Variants in COL1A2 observed in about 807,000 individuals in gnomAD.
COL1A2 encodes collagen type I alpha 2 chain.
In COL1A2, 49 loss-of-function variants were observed where a neutral mutation model predicts 174.3. That is an observed-to-expected ratio of 0.28 (90% CI 0.22 to 0.36). The LOEUF is 0.36. Among genes scored for constraint, COL1A2 ranks in the 10% least tolerant of loss-of-function variants. The pLI, the probability that COL1A2 is intolerant of heterozygous loss-of-function variation, is 1.00. For missense variants in COL1A2, 1,438 were observed against 1,822.7 expected (o/e 0.79, Z 3.84); for synonymous variants, 655 against 606.6 (o/e 1.08, Z -1.17).
At position 94,425,993 on chromosome 7, in the gene COL1A2, C is replaced by T; in HGVS notation, c.2944-5C>T. On this transcript the variant is annotated splice_region_variant and splice_polypyrimidine_tract_variant and intron_variant, in intron 44 of 51. Coordinates refer to ENST00000297268, the MANE Select transcript of COL1A2 (RefSeq NM_000089.4). Reference sequence around the variant, plus strand: ...TAAGTTGTGTTTTTCTTTTTCATTTCACAGGGTCCTTCTGGTCCTGTTGGT... The same window carrying T: ...TAAGTTGTGTTTTTCTTTTTCATTTTACAGGGTCCTTCTGGTCCTGTTGGT... 6.2e-7 allele frequency: 1 copy of T among 1,614,022 alleles called. No homozygotes were observed. Among genetic ancestry groups the T allele is most frequent in the Non-Finnish European group, 8.5e-7 (1 of 1,179,932 alleles).
intron 16 of COL1A2, 78 bp from the exon 17 acceptor site, chr7:94,409,244 T>A: frequency 7.9e-7 from 1 of 1,258,896 alleles, no homozygotes; most frequent in Non-Finnish European, 1.2e-6. Flanking sequence ...AGACATTTCA[T>A]AAAACTTGGC....
chr7:94,413,842 C>T (rs1165520166), intron 27 of COL1A2, 52 bp from the exon 28 acceptor site: 4 of 1,609,348 alleles, frequency 2.5e-6, no homozygotes, highest in Non-Finnish European at 3.4e-6. Flanking sequence ...TACAGCTAGA[C>T]AACAGTGGTG....
At chr7:94,406,409 T>A in intron 12 of COL1A2, 106 bp downstream of exon 12, 1 of 1,044,730 alleles carries the variant, frequency 9.6e-7, no homozygotes. Flanking sequence ...CAAAAAGTAT[T>A]TTTATTTTTT....
chr7:94,419,315 TGA>T lies in COL1A2; in HGVS notation c.2026-179_2026-178del, dbSNP rs72055658. ...CTTTATTACTGGAGTACCCTCCTTC[TGA>T]GAGTGGCTTCTAATAGTCTTGTTAA... On this transcript the variant is annotated intron_variant, in intron 33 of 51. Transcript: ENST00000297268. 185,146 of 680,634 alleles carry T rather than the reference TGA, an allele frequency of 0.27. 26,985 individuals carry two copies. The highest frequency in any genetic ancestry group is 0.31 in the Non-Finnish European group (116,502 of 377,328). The allele number at this position is 680,634 out of a possible 1,614,324, so 42.2% of individuals were successfully genotyped here.
chr7:94,416,579 A>G (rs1427376149), intron 31 of COL1A2, 76 bp downstream of exon 31: 1 of 1,120,208 alleles, frequency 8.9e-7, no homozygotes, highest in Non-Finnish European at 1.3e-6. Flanking sequence ...CAATAGAAAG[A>G]TAATTGTTTT....
chr7:94,417,718 C>T lies in COL1A2; in HGVS notation c.1864-6C>T. On this transcript the variant is annotated splice_polypyrimidine_tract_variant and splice_region_variant and intron_variant, in intron 31 of 51. Transcript: ENST00000297268. ...TAAAATTGATTTCACATGTGTTTGACTCAAGGGTGAACCTGGTGTGGTTGG... is the reference window on the plus strand; with the variant it reads ...TAAAATTGATTTCACATGTGTTTGATTCAAGGGTGAACCTGGTGTGGTTGG... 1.3e-6 allele frequency: 2 copies of T among 1,581,450 alleles called. No homozygotes were observed. Among genetic ancestry groups the T allele is most frequent in the Non-Finnish European group, 1.7e-6 (2 of 1,162,104 alleles).
intron 39 of COL1A2, chr7:94,422,153 T>C (rs1163068864): frequency 2.0e-6 from 1 of 501,820 alleles, no homozygotes; most frequent in Non-Finnish European, 3.5e-6. Flanking sequence ...GAGGCTTTTA[T>C]TCATGTGAAC....
Position 94,401,583 on chromosome 7 carries a change from A to G in COL1A2, c.242A>G (p.Tyr81Cys). 3 of 1,558,368 alleles carry G rather than the reference A, an allele frequency of 1.9e-6. No individual in the cohort carries two copies. The highest frequency in any genetic ancestry group is 2.3e-5 in the East Asian group (1 of 42,776). The change falls in exon 6 of 52, where the codon TAT becomes TGT. Residue 81 changes from tyrosine (Y) to cysteine (C), a missense_variant. By Grantham distance (194) the Tyr-to-Cys change is radical (BLOSUM62 -2). Around this residue, in one of 3 missense-constraint regions of COL1A2, gnomAD observed 281 missense variants for 310.9 expected, o/e 0.90. Coordinates refer to ENST00000297268, the MANE Select transcript of COL1A2 (RefSeq NM_000089.4). The stretch of plus-strand genomic sequence containing the variant: ...CTTCTCTAGAACTTTGCTGCTCAGT[A>G]TGATGGAAAAGGAGTTGGACTTGGC... ...PGLGGNFAAQ[Y>C]DGKGVGLGPG...
intron 48 of COL1A2, 114 bp downstream of exon 48, chr7:94,427,409 T>G (rs1033050196): frequency 2.3e-5 from 26 of 1,136,484 alleles, no homozygotes; most frequent in Non-Finnish European, 3.1e-5. Flanking sequence ...TTTCAATATA[T>G]CCTCTAAAAT....
intron 33 of COL1A2, 103 bp from the exon 34 acceptor site, chr7:94,419,395 A>G (rs1792105663): frequency 9.8e-6 from 13 of 1,331,364 alleles, no homozygotes; most frequent in South Asian, 4.8e-5. Flanking sequence ...GAGTGCAGTG[A>G]AAGTGTTCAG....
chr7:94,413,390 G>A (rs570634245), intron 26 of COL1A2, among the ~76,000 whole-genome samples: 1 of 152,282 alleles, frequency 6.6e-6, no homozygotes, highest in East Asian at 1.9e-4. Context: ...AATTAAAAGG[G>A]TATGAATATG....
At chr7:94,422,901 C>G in intron 39 of COL1A2, 56 bp from the exon 40 acceptor site, 1 of 1,603,374 alleles carries the variant, frequency 6.2e-7, no homozygotes, top group Non-Finnish European at 8.5e-7. Flanking sequence ...TTGCTGCTCT[C>G]TTCCAGGCCC....
Position 94,398,402 on chromosome 7 carries a change from A to C in COL1A2, c.96+6A>C, listed in dbSNP as rs754931952. ...TCTAGGAAACTGTAAGAAAGGTAAG[A>C]GTACACTACTTCTCCATAAATATCT... On this transcript the variant is annotated splice_donor_region_variant and intron_variant, in intron 3 of 51. Coordinates refer to ENST00000297268, the MANE Select transcript of COL1A2 (RefSeq NM_000089.4). 3.1e-6 allele frequency: 3 copies of C among 953,960 alleles called. No individual in the cohort carries two copies. Among genetic ancestry groups the C allele is most frequent in the Admixed American group, 2.2e-5 (1 of 45,544 alleles). 59.1% of individuals were successfully genotyped at this position (953,960 alleles called of 1,614,324 possible).
In COL1A2 at chr7:94,411,039, T is replaced by TA; in HGVS notation, c.1252-17_1252-16insA. On this transcript the variant is annotated splice_polypyrimidine_tract_variant and intron_variant, in intron 22 of 51. Coordinates refer to ENST00000297268, the MANE Select transcript of COL1A2 (RefSeq NM_000089.4). Reference sequence around the variant, plus strand: ...GCATCCTCCTCCTCTATCTGTTTTTTTTTTTTTTTTGAATAGGGCCCTCCT... The same window carrying TA: ...GCATCCTCCTCCTCTATCTGTTTTTTATTTTTTTTTTGAATAGGGCCCTCCT... 6.2e-7 allele frequency: 1 copy of TA among 1,604,722 alleles called. No individual in the cohort carries two copies. The highest frequency in any genetic ancestry group is 2.2e-5 in the East Asian group (1 of 44,804).
At position 94,403,676 on chromosome 7, in the gene COL1A2, C is replaced by A. The variant is rs139646112; in HGVS notation, c.280-880C>A. ...TGTTATTTCACTCTAGGCATTAATA[C>A]AGTAAGGTAGGTTTGACTGCAGAGT... is the stretch of plus-strand genomic sequence containing the variant. On this transcript the variant is annotated intron_variant, in intron 6 of 51. Coordinates refer to ENST00000297268, the MANE Select transcript of COL1A2 (RefSeq NM_000089.4). 7.3e-3 allele frequency among the ~76,000 whole-genome samples: 1,110 copies of A among 152,202 alleles called. 11 individuals carry two copies. Among genetic ancestry groups the A allele is most frequent in the African/African-American group, 0.025 (1,044 of 41,524 alleles).
rs1344414026 is a variant in COL1A2, at chr7:94,395,273, A to C, written c.70+172A>C. ...TAAGAAACATGGAAATTACTTTAAA[A>C]AATGAAAACATAAAAGCCTTGCCAA... On this transcript the variant is annotated intron_variant, in intron 1 of 51. Transcript: ENST00000297268. 6.7e-6 allele frequency: 5 copies of C among 751,254 alleles called. No individual in the cohort carries two copies. In the African/African-American group the frequency reaches 6.9e-5, roughly 10 times the overall value. 46.5% of individuals were successfully genotyped at this position (751,254 alleles called of 1,614,324 possible).
At chr7:94,430,078 C>A in intron 51 of COL1A2, 169 bp from the exon 52 acceptor site, 1 of 692,948 alleles carries the variant, frequency 1.4e-6, no homozygotes, top group Non-Finnish European at 2.5e-6. Flanking sequence ...GCCCCTCCCA[C>A]TAAAGACACC....
At chr7:94,401,669 T>G (rs1335463401) in intron 6 of COL1A2, 49 bp downstream of exon 6, 2 of 1,350,124 alleles carry the variant, frequency 1.5e-6, no homozygotes, top group Admixed American at 3.4e-5. Context: ...AATAAATCAT[T>G]CATTTTATGT....
At chr7:94,420,069 C>T (rs566497511) in intron 34 of COL1A2, among the ~76,000 whole-genome samples, 164 bp from the exon 35 acceptor site, 38 of 152,284 alleles carry the variant, frequency 2.5e-4, no homozygotes, top group African/African-American at 8.4e-4. Context: ...ATGAATATAG[C>T]ATTAAGTAAA....
Sources: allele counts gnomAD v4.1 joint callset (sites outside exome capture counted in the v4.1 genomes callset), GRCh38; gene constraint gnomAD v4.1.1; regional missense constraint gnomAD v4.1.1; transcripts MANE v1.5; gene names NCBI Gene and HGNC (gene_info 2026-07-23, HGNC 2026-07-21).